UPP2: variants seen among roughly 807,000 people sequenced by gnomAD.
UPP2 encodes the protein UPase 2.
Under a neutral mutation model 26.7 loss-of-function variants are expected in UPP2, and 23 were observed. The ratio of observed to expected loss-of-function variants is 0.86; its 90% confidence interval spans 0.62 to 1.22. UPP2 has a LOEUF of 1.22. Among genes scored for constraint, UPP2 ranks in the 50% most tolerant of loss-of-function variants. UPP2 has a pLI of 0.00. For synonymous variants in UPP2, 127 were observed against 141.3 expected (o/e 0.90, Z 0.72); for missense variants, 387 against 396.7 (o/e 0.98, Z 0.21).
intron 3 of UPP2, among the ~76,000 whole-genome samples, chr2:158,049,526 G>A (rs1348591091): frequency 1.3e-5 from 2 of 152,212 alleles, no homozygotes; most frequent in Non-Finnish European, 2.9e-5. Context: ...ATTAGCAGGA[G>A]AGAATGGTTT....
intron 3 of UPP2, among the ~76,000 whole-genome samples, chr2:158,071,174 C>T (rs542018893): frequency 2.6e-5 from 4 of 152,102 alleles, no homozygotes; most frequent in African/African-American, 7.2e-5. Flanking sequence ...TAGGGCGGCA[C>T]GTGACCTAGG....
intron 3 of UPP2, among the ~76,000 whole-genome samples, chr2:158,095,448 C>T (rs961621953): frequency 6.6e-6 from 1 of 152,158 alleles, no homozygotes; most frequent in Non-Finnish European, 1.5e-5. Context: ...ACACCCAGAT[C>T]AAATTCCCTT....
At chr2:158,060,646 C>T (rs1171037901) in intron 3 of UPP2, among the ~76,000 whole-genome samples, 1 of 152,176 alleles carries the variant, frequency 6.6e-6, no homozygotes, top group East Asian at 1.9e-4. Flanking sequence ...TATGTTGAAG[C>T]CCTAACTTCC....
intron 3 of UPP2, among the ~76,000 whole-genome samples, chr2:158,082,309 G>A (rs942751185): frequency 2.0e-5 from 3 of 152,122 alleles, no homozygotes; most frequent in African/African-American, 4.8e-5. Flanking sequence ...CCTATCTCCA[G>A]AGCAGTATAC....
At chr2:158,037,381 A>C (rs1222868685) in intron 3 of UPP2, among the ~76,000 whole-genome samples, 2 of 152,188 alleles carry the variant, frequency 1.3e-5, no homozygotes, top group African/African-American at 2.4e-5. Flanking sequence ...CTCAAAAAAA[A>C]GAAAAAAGAA....
chr2:158,122,426 G>C lies in UPP2; in HGVS notation c.664+808G>C, dbSNP rs1183977564. 3.9e-5 allele frequency among the ~76,000 whole-genome samples: 6 copies of C among 152,006 alleles called. No homozygotes were observed. In the East Asian group the frequency reaches 5.8e-4, roughly 15 times the overall value. Reference sequence around the variant, plus strand: ...TATCTATACATTTTACTTCCGGTTAGTAAAGGTGGTTTCACCACATATTTG... The same window carrying C: ...TATCTATACATTTTACTTCCGGTTACTAAAGGTGGTTTCACCACATATTTG... On this transcript the variant is annotated intron_variant, in intron 5 of 6. Transcript: ENST00000005756.
intron 3 of UPP2, among the ~76,000 whole-genome samples, chr2:158,069,325 A>T (rs1682499731): frequency 6.6e-6 from 1 of 152,218 alleles, no homozygotes; most frequent in African/African-American, 2.4e-5. Context: ...GTCAGCTGAC[A>T]CAAGGTTAAG....
At chr2:158,011,806 G>A (rs1052104836) in intron 2 of UPP2, among the ~76,000 whole-genome samples, 1 of 152,088 alleles carries the variant, frequency 6.6e-6, no homozygotes, top group African/African-American at 2.4e-5. Context: ...ATATTTGCTC[G>A]ATAAATGAAA....
At chr2:158,071,549 TC>T (rs1202935380) in intron 3 of UPP2, among the ~76,000 whole-genome samples, 1 of 34,574 alleles carries the variant, frequency 2.9e-5, no homozygotes, top group Non-Finnish European at 4.9e-5. Context: ...AGATTCTGTC[TC>T]AAAAAAAAAA....
intron 3 of UPP2, among the ~76,000 whole-genome samples, chr2:158,085,402 A>C (rs1427660983): frequency 1.3e-5 from 2 of 151,958 alleles, no homozygotes; most frequent in Non-Finnish European, 2.9e-5. Context: ...AGCTTTTTGG[A>C]GGAGTCTTTA....
chr2:158,091,046 C>CA (rs1343691295), intron 3 of UPP2, among the ~76,000 whole-genome samples: 2 of 152,142 alleles, frequency 1.3e-5, no homozygotes, highest in African/African-American at 4.8e-5. Context: ...AAACAGTCTC[C>CA]AGTGAGAAAC....
chr2:158,006,784 C>T (rs1241131343), intron 2 of UPP2, among the ~76,000 whole-genome samples: 1 of 152,224 alleles, frequency 6.6e-6, no homozygotes, highest in African/African-American at 2.4e-5. Context: ...CCTGCTCTTA[C>T]TCAAAGGCAC....
At chr2:158,058,803 T>G (rs1682304653) in intron 3 of UPP2, among the ~76,000 whole-genome samples, 1 of 152,060 alleles carries the variant, frequency 6.6e-6, no homozygotes, top group Admixed American at 6.5e-5. Flanking sequence ...GAGAAAGATA[T>G]TAGACACCAA....
Position 158,121,447 on chromosome 2 carries a change from G to C in UPP2, c.493G>C (p.Val165Leu). ...GACTGTTGTAATAACGGATATAGCT[G>C]TAGACTCCTTCTTTAAGCCCCGGTT... Reference protein sequence around the residue: ...PGTVVITDIAVDSFFKPRFEQ... With the variant: ...PGTVVITDIALDSFFKPRFEQ... The change falls in exon 5 of 7, where the codon GTA becomes CTA. Residue 165 changes from valine to leucine, a missense_variant. Transcript: ENST00000005756. The C allele has an allele frequency of 6.2e-7, 1 of 1,613,390 alleles. No individual in the cohort carries two copies. Among genetic ancestry groups the C allele is most frequent in the Non-Finnish European group, 8.5e-7 (1 of 1,179,410 alleles).
At chr2:157,997,140 G>C (rs1321789806) in intron 2 of UPP2, among the ~76,000 whole-genome samples, 2 of 152,134 alleles carry the variant, frequency 1.3e-5, no homozygotes, top group African/African-American at 4.8e-5. Flanking sequence ...TCAGGGAACT[G>C]CTTGTCTGAT....
At chr2:158,023,216 G>A (rs1206688530) in intron 3 of UPP2, among the ~76,000 whole-genome samples, 2 of 115,760 alleles carry the variant, frequency 1.7e-5, no homozygotes, top group Non-Finnish European at 3.6e-5. Flanking sequence ...TGAGGTCATG[G>A]GGTTGCTGTC....
At chr2:158,028,739 C>A (rs1558908146) in intron 3 of UPP2, among the ~76,000 whole-genome samples, 1 of 152,234 alleles carries the variant, frequency 6.6e-6, no homozygotes, top group East Asian at 1.9e-4. Context: ...TACAGTTCCA[C>A]ATGGCTGGAG....
intron 3 of UPP2, among the ~76,000 whole-genome samples, chr2:158,082,758 C>T (rs898174528): frequency 1.3e-5 from 2 of 152,110 alleles, no homozygotes; most frequent in African/African-American, 2.4e-5. Context: ...AAACTATCAC[C>T]AGAGTGAACA....
intron 3 of UPP2, among the ~76,000 whole-genome samples, chr2:158,045,149 G>T (rs1684135042): frequency 6.6e-6 from 1 of 152,082 alleles, no homozygotes; most frequent in African/African-American, 2.4e-5. Flanking sequence ...TGAAAACCAG[G>T]CTTAGATGAC....
Sources: allele counts gnomAD v4.1 joint callset (sites outside exome capture counted in the v4.1 genomes callset), GRCh38; gene constraint gnomAD v4.1.1; transcripts MANE v1.5; gene names NCBI Gene and HGNC (gene_info 2026-07-23, HGNC 2026-07-21).